The following TC2N variants were observed in gnomAD, a reference collection of about 807,000 sequenced individuals.
TC2N encodes the protein tandem C2 domains nuclear protein.
A neutral mutation model predicts 61.9 loss-of-function variants in TC2N; 51 were observed. The ratio of observed to expected loss-of-function variants is 0.82; its 90% CI spans 0.66 to 1.04. The LOEUF (loss-of-function observed/expected upper bound fraction) is 1.04. TC2N is among the 50% of genes least tolerant of loss of function. TC2N has a pLI of 0.00. For synonymous variants in TC2N, 204 were observed against 192.6 expected (o/e 1.06, Z -0.49); for missense variants, 556 against 566.7 (o/e 0.98, Z 0.19).
rs1566782891 is a variant in TC2N at position 91,829,600 on chromosome 14, CT to C, written c.-56-15776del. 3.9e-5 allele frequency among the ~76,000 whole-genome samples: 6 copies of C among 152,142 alleles called. No individual in the cohort carries two copies. In the South Asian group the frequency reaches 1.2e-3, roughly 32 times the overall value. On this transcript the variant is annotated intron_variant, in intron 1 of 11. Transcript: ENST00000435962. ...TCTCTGAACATATCTTTAAATCTGT[CT>C]TTTATTTACTTAAACTCAGCCCAGT...
intron 8 of TC2N, among the ~76,000 whole-genome samples, chr14:91,793,684 TC>T (rs1885766540): frequency 6.6e-6 from 1 of 152,174 alleles, no homozygotes; most frequent in African/African-American, 2.4e-5. Context: ...GGCAACTTAA[TC>T]GATAAATATG....
At chr14:91,813,955 A>G in intron 1 of TC2N, 130 bp from the exon 2 acceptor site, 1 of 399,650 alleles carries the variant, frequency 2.5e-6, no homozygotes, top group Non-Finnish European at 4.5e-6. Flanking sequence ...CTTGAGGAAG[A>G]TAGATTTTTG....
intron 10 of TC2N, among the ~76,000 whole-genome samples, chr14:91,786,014 C>A (rs1320204684): frequency 6.6e-6 from 1 of 151,990 alleles, no homozygotes; most frequent in African/African-American, 2.4e-5. Flanking sequence ...ACACACAGTG[C>A]CTACAGCTCA....
In TC2N at chr14:91,812,479, G is replaced by A; in HGVS notation, c.134C>T (p.Pro45Leu). Residue 45 changes from proline (P) to leucine (L), a missense_variant, in exon 3 of 12, where the codon CCA (proline) becomes CTA (leucine). Pro to Leu is a moderately conservative substitution (Grantham distance 98). Transcript: ENST00000435962. ...NSQNATISVP[P>L]LTSVSVKPQL... Reference sequence around the variant, plus strand: ...AGGCTTTACAGAAACAGAAGTCAATGGAGGTACAGAGATAGTAGCATTTTG... The same window carrying A: ...AGGCTTTACAGAAACAGAAGTCAATAGAGGTACAGAGATAGTAGCATTTTG... 1 of 1,612,070 alleles carries A rather than the reference G, an allele frequency of 6.2e-7. No individual in the cohort carries two copies. The highest frequency in any genetic ancestry group is 8.5e-7 in the Non-Finnish European group (1 of 1,178,642).
intron 1 of TC2N, among the ~76,000 whole-genome samples, chr14:91,852,483 T>C (rs1192289327): frequency 6.6e-6 from 1 of 152,166 alleles, no homozygotes; most frequent in African/African-American, 2.4e-5. Context: ...TCGGGAAACC[T>C]GCCTTTGATC....
At position 91,785,379 on chromosome 14, in the gene TC2N, T is replaced by C; in HGVS notation, c.1163-18A>G. 2 of 1,595,450 alleles carry C rather than the reference T, an allele frequency of 1.3e-6. No homozygotes were observed. Among genetic ancestry groups the C allele is most frequent in the Non-Finnish European group, 1.7e-6 (2 of 1,164,226 alleles). On this transcript the variant is annotated intron_variant, in intron 10 of 11. Coordinates refer to ENST00000435962, the MANE Select transcript of TC2N (RefSeq NM_001128596.3). ...GAAAAAACCTAAAAAATTAGAAATA[T>C]TGGTTTATAAAATGTTATTCAAAAT... is the stretch of plus-strand genomic sequence containing the variant.
At chr14:91,844,091 G>A (rs1007038115) in intron 1 of TC2N, among the ~76,000 whole-genome samples, 16 of 152,116 alleles carry the variant, frequency 1.1e-4, no homozygotes, top group Admixed American at 8.5e-4. Flanking sequence ...ACAGTTGGGC[G>A]GCAGCTCCAT....
intron 1 of TC2N, among the ~76,000 whole-genome samples, chr14:91,839,797 TTC>T (rs1888130551): frequency 6.6e-6 from 1 of 152,200 alleles, no homozygotes; most frequent in Non-Finnish European, 1.5e-5. Flanking sequence ...CAAAAAATAT[TTC>T]TGAGTGCCTG....
chr14:91,850,196 G>C (rs551364216), intron 1 of TC2N, among the ~76,000 whole-genome samples: 8 of 152,016 alleles, frequency 5.3e-5, no homozygotes, highest in Non-Finnish European at 1.0e-4. Flanking sequence ...AAAAAAAAGG[G>C]ATAATTATAA....
intron 1 of TC2N, among the ~76,000 whole-genome samples, chr14:91,846,149 A>G (rs185991045): frequency 2.0e-5 from 3 of 152,266 alleles, no homozygotes; most frequent in Admixed American, 1.3e-4. Context: ...CCTTTCTTTC[A>G]TAAGACTGTC....
chr14:91,795,364 A>G (rs766683982), intron 8 of TC2N, among the ~76,000 whole-genome samples: 1 of 152,180 alleles, frequency 6.6e-6, no homozygotes, highest in Non-Finnish European at 1.5e-5. Flanking sequence ...ATCAAACAGC[A>G]TCACATACTA....
chr14:91,833,706 T>C (rs1379962063), intron 1 of TC2N, among the ~76,000 whole-genome samples: 1 of 152,196 alleles, frequency 6.6e-6, no homozygotes, highest in Non-Finnish European at 1.5e-5. Context: ...GGGTATATGT[T>C]TGGGCATAGC....
intron 1 of TC2N, among the ~76,000 whole-genome samples, chr14:91,834,285 C>T (rs1047676024): frequency 6.6e-6 from 1 of 152,072 alleles, no homozygotes; most frequent in Non-Finnish European, 1.5e-5. Flanking sequence ...TTGGATGGGG[C>T]GGGGCATAAC....
At chr14:91,856,729 G>T (rs1351524777) in intron 1 of TC2N, among the ~76,000 whole-genome samples, 4 of 152,096 alleles carry the variant, frequency 2.6e-5, no homozygotes, top group South Asian at 4.1e-4. Flanking sequence ...TTCCACCAAG[G>T]CCTCTGGATT....
intron 1 of TC2N, among the ~76,000 whole-genome samples, chr14:91,855,304 A>T (rs1888462264): frequency 6.6e-6 from 1 of 152,162 alleles, no homozygotes; most frequent in Non-Finnish European, 1.5e-5. Flanking sequence ...AAAACAACAG[A>T]CGTTTATTCT....
intron 1 of TC2N, among the ~76,000 whole-genome samples, chr14:91,844,300 G>A (rs1211691120): frequency 6.6e-6 from 1 of 152,078 alleles, no homozygotes; most frequent in Non-Finnish European, 1.5e-5. Flanking sequence ...ATCTCATATT[G>A]CTTGCCTGAT....
intron 8 of TC2N, among the ~76,000 whole-genome samples, chr14:91,793,083 T>C (rs1244681869): frequency 6.6e-6 from 1 of 152,198 alleles, no homozygotes; most frequent in African/African-American, 2.4e-5. Context: ...CCCTTTCCGA[T>C]CTGAAAATCT....
intron 8 of TC2N, among the ~76,000 whole-genome samples, chr14:91,795,605 T>A (rs1164196902): frequency 6.6e-6 from 1 of 152,194 alleles, no homozygotes; most frequent in Non-Finnish European, 1.5e-5. Flanking sequence ...TTAAAGTATG[T>A]AAATTACTTT....
Position 91,783,167 on chromosome 14 carries a change from T to A in TC2N, c.1406A>T (p.Gln469Leu), listed in dbSNP as rs762469871. The change falls in exon 12 of 12, where the codon CAG becomes CTG. Residue 469 changes from glutamine (Q) to leucine (L), a missense_variant. Coordinates refer to ENST00000435962, the MANE Select transcript of TC2N (RefSeq NM_001128596.3). ...TGGATTTATTACTGTCTCTTTCCAC[T>A]GGTTCACTGCTTCAATGTTATTACT... ...EDSNNIEAVNQWKETVINPEK... is the reference protein window; with the variant it reads ...EDSNNIEAVNLWKETVINPEK... 1.2e-6 allele frequency: 2 copies of A among 1,611,984 alleles called. No homozygotes were observed. Among genetic ancestry groups the A allele is most frequent in the South Asian group, 2.2e-5 (2 of 90,932 alleles).
Sources: allele counts gnomAD v4.1 joint callset (sites outside exome capture counted in the v4.1 genomes callset), GRCh38; gene constraint gnomAD v4.1.1; transcripts MANE v1.5; gene names NCBI Gene and HGNC (gene_info 2026-07-23, HGNC 2026-07-21).